NAALADL2: variants seen among roughly 807,000 people sequenced by gnomAD.
The protein encoded by NAALADL2 is N-acetylated alpha-linked acidic dipeptidase like 2.
In NAALADL2, 76 loss-of-function variants were observed where a neutral mutation model predicts 87.2. The ratio of observed to expected loss-of-function variants is 0.87; its 90% confidence interval spans 0.72 to 1.05. The LOEUF is 1.05. NAALADL2 is among the 50% of genes least tolerant of loss of function. The probability of loss-of-function intolerance (pLI) is 0.00; values close to 1 mark genes in which losing one functional copy is unlikely to be tolerated. For synonymous variants in NAALADL2, 354 were observed against 331.0 expected (o/e 1.07, Z -0.75); for missense variants, 1,089 against 945.8 (o/e 1.15, Z -1.99).
At chr3:175,314,213 T>C (rs1758749666) in intron 4 of NAALADL2, among the ~76,000 whole-genome samples, 1 of 152,034 alleles carries the variant, frequency 6.6e-6, no homozygotes, top group Admixed American at 6.6e-5. Context: ...AGCTGATTAT[T>C]TGGCAATTGA....
intron 5 of NAALADL2, among the ~76,000 whole-genome samples, chr3:175,355,058 G>GTA (rs1553872216): frequency 1.7e-5 from 2 of 120,912 alleles, no homozygotes; most frequent in Non-Finnish European, 3.7e-5. Flanking sequence ...GTGTGTGTGT[G>GTA]TATACATATA....
intron 2 of NAALADL2, among the ~76,000 whole-genome samples, chr3:174,679,898 T>C (rs963472234): frequency 1.3e-5 from 2 of 152,196 alleles, no homozygotes; most frequent in African/African-American, 4.8e-5. Context: ...AATGTTTTGT[T>C]GAAATATGTA....
chr3:175,656,214 G>C (rs1032672738), intron 11 of NAALADL2, among the ~76,000 whole-genome samples: 1 of 152,178 alleles, frequency 6.6e-6, no homozygotes, highest in African/African-American at 2.4e-5. Flanking sequence ...GGGTTTGAGA[G>C]AGACAGGTAT....
At chr3:174,977,276 C>T (rs1206238138) in intron 1 of NAALADL2, among the ~76,000 whole-genome samples, 1 of 152,232 alleles carries the variant, frequency 6.6e-6, no homozygotes, top group East Asian at 1.9e-4. Context: ...AGGCACCCCA[C>T]ACCACGCCCA....
rs1024481034 is a variant in NAALADL2, at chr3:174,879,394, C to T, written c.43+19944C>T. Among the ~76,000 whole-genome samples the T allele has an allele frequency of 2.6e-5, 4 of 151,914 alleles. No homozygotes were observed. The South Asian group carries it at 8.3e-4, about 31-fold the overall frequency. The stretch of plus-strand genomic sequence containing the variant: ...AGTTAAAAGCAGAAAGAATTAGGTC[C>T]TTTATGTTCAATGACTTTGTCTTTA... On this transcript the variant is annotated intron_variant, in intron 1 of 13. Coordinates refer to ENST00000454872, the MANE Select transcript of NAALADL2 (RefSeq NM_207015.3).
rs140378538 is a variant in NAALADL2, at chr3:175,391,214, C to G, written c.1091-56015C>G. 5.9e-3 allele frequency among the ~76,000 whole-genome samples: 899 copies of G among 152,312 alleles called. 1 individual carries two copies. The highest frequency in any genetic ancestry group is 9.2e-3 in the Non-Finnish European group (625 of 68,028). ...GAGAAACCCTTTCTCTTCTCTATAA[C>G]CACATACCTCATGTTGGGATTATTT... is the stretch of plus-strand genomic sequence containing the variant. On this transcript the variant is annotated intron_variant, in intron 5 of 13. Coordinates refer to ENST00000454872, the MANE Select transcript of NAALADL2 (RefSeq NM_207015.3).
chr3:175,344,746 C>T (rs922004804), intron 5 of NAALADL2, among the ~76,000 whole-genome samples: 2 of 152,044 alleles, frequency 1.3e-5, no homozygotes, highest in Middle Eastern at 3.4e-3. Context: ...ATTTGTAAAA[C>T]GTTTCAAGAT....
chr3:175,107,559 GTTCTGT>G (rs1723419270), intron 2 of NAALADL2, among the ~76,000 whole-genome samples: 1 of 150,510 alleles, frequency 6.6e-6, no homozygotes, highest in African/African-American at 2.4e-5. Flanking sequence ...CATCCTATAC[GTTCTGT>G]TTCTCAGGAG....
At chr3:174,668,272 A>G (rs1293147622) in intron 2 of NAALADL2, among the ~76,000 whole-genome samples, 3 of 152,058 alleles carry the variant, frequency 2.0e-5, no homozygotes, top group African/African-American at 7.2e-5. Context: ...CTTATTATAT[A>G]TATATGATTT....
At chr3:174,716,488 A>G (rs1332847329) in intron 2 of NAALADL2, among the ~76,000 whole-genome samples, 1 of 151,214 alleles carries the variant, frequency 6.6e-6, no homozygotes, top group Non-Finnish European at 1.5e-5. Context: ...AGAAACTCTC[A>G]TTTTTGTTAC....
At position 175,768,871 on chromosome 3, in the gene NAALADL2, G is replaced by A. The variant is rs1404643462; in HGVS notation, c.2189+13453G>A. 2.1e-5 allele frequency among the ~76,000 whole-genome samples: 3 copies of A among 145,894 alleles called. No homozygotes were observed. The East Asian group carries it at 5.9e-4, about 29-fold the overall frequency. On this transcript the variant is annotated intron_variant, in intron 13 of 13. Coordinates refer to ENST00000454872, the MANE Select transcript of NAALADL2 (RefSeq NM_207015.3). ...TGTCTCAAAAAAAAAAAAAAAAATT[G>A]TAGTAACTTCACAGAAAGGAGTGGT...
intron 4 of NAALADL2, among the ~76,000 whole-genome samples, chr3:175,265,731 T>C (rs11925012): frequency 0.062 from 9,405 of 151,574 alleles, 982 homozygotes; most frequent in African/African-American, 0.22. Flanking sequence ...CCAACGTATA[T>C]GGTTTTGAAA....
intron 5 of NAALADL2, among the ~76,000 whole-genome samples, chr3:175,429,008 A>T (rs1717282299): frequency 1.3e-5 from 2 of 152,006 alleles, no homozygotes; most frequent in African/African-American, 4.8e-5. Flanking sequence ...TAAGAAACCA[A>T]ATGAATGATA....
chr3:175,555,112 C>T lies in NAALADL2; in HGVS notation c.1654-20929C>T, dbSNP rs143180506. On this transcript the variant is annotated intron_variant, in intron 9 of 13. Transcript: ENST00000454872. ...CCAAGACCCTATCTATTGGTGAGTC[C>T]CTAATGTTTTTGTTGTTTTTGTTTC... Among the ~76,000 whole-genome samples, 124 of 152,092 alleles carry T rather than the reference C, an allele frequency of 8.2e-4. 3 individuals are homozygous for T. In the East Asian group the frequency reaches 0.022, roughly 27 times the overall value.
intron 4 of NAALADL2, among the ~76,000 whole-genome samples, chr3:175,282,512 C>A (rs979406439): frequency 2.0e-5 from 3 of 151,982 alleles, no homozygotes; most frequent in Non-Finnish European, 4.4e-5. Flanking sequence ...AAAAGAATAT[C>A]ATCTGAATAA....
At chr3:174,498,212 TC>T (rs1306766587) in intron 1 of NAALADL2, among the ~76,000 whole-genome samples, 2 of 152,132 alleles carry the variant, frequency 1.3e-5, no homozygotes, top group Non-Finnish European at 2.9e-5. Context: ...TTCCCCTAGT[TC>T]CTAGGCAACC....
At chr3:174,475,934 G>A (rs1227231829) in intron 1 of NAALADL2, among the ~76,000 whole-genome samples, 1 of 151,912 alleles carries the variant, frequency 6.6e-6, no homozygotes, top group Non-Finnish European at 1.5e-5. Flanking sequence ...AAGATACAAG[G>A]GATAAGTGCC....
At chr3:174,511,091 A>AT (rs889186034) in intron 1 of NAALADL2, among the ~76,000 whole-genome samples, 1 of 151,948 alleles carries the variant, frequency 6.6e-6, no homozygotes, top group African/African-American at 2.4e-5. Flanking sequence ...ATTTATTAAG[A>AT]TTTTTTTATG....
intron 1 of NAALADL2, among the ~76,000 whole-genome samples, chr3:174,985,853 G>A (rs942656329): frequency 6.6e-6 from 1 of 152,024 alleles, no homozygotes; most frequent in Non-Finnish European, 1.5e-5. Flanking sequence ...TTGGGAGGCT[G>A]GGGCAGGAGA....
Sources: allele counts gnomAD v4.1 joint callset (sites outside exome capture counted in the v4.1 genomes callset), GRCh38; gene constraint gnomAD v4.1.1; transcripts MANE v1.5; gene names NCBI Gene and HGNC (gene_info 2026-07-23, HGNC 2026-07-21).